The following ACOXL variants were observed in gnomAD, a reference collection of about 807,000 sequenced individuals.
ACOXL encodes the protein acyl-coenzyme A oxidase-like protein.
Under a neutral mutation model 71.9 loss-of-function variants are expected in ACOXL, and 70 were observed. The observed-to-expected ratio is 0.97, with a 90% CI of 0.80 to 1.19. ACOXL has a LOEUF of 1.19. Among genes scored for constraint, ACOXL ranks in the 50% most tolerant of loss-of-function variants. ACOXL has a pLI of 0.00. For missense variants in ACOXL, 703 were observed against 736.3 expected (o/e 0.95, Z 0.52); for synonymous variants, 253 against 281.6 (o/e 0.90, Z 1.02).
Position 111,047,684 on chromosome 2 carries a change from C to T in ACOXL, c.1370-1534C>T, listed in dbSNP as rs58724286. On this transcript the variant is annotated intron_variant, in intron 15 of 17. Transcript: ENST00000439055. The stretch of plus-strand genomic sequence containing the variant: ...CAGCTTGGGCCCTTATCTCAATGTA[C>T]AAGTTTCTGCTGAGCCACTTTTATA... Among the ~76,000 whole-genome samples, 651 of 152,306 alleles carry T rather than the reference C, an allele frequency of 4.3e-3. 4 individuals are homozygous for T. Among genetic ancestry groups the T allele is most frequent in the African/African-American group, 0.015 (625 of 41,556 alleles).
intron 14 of ACOXL, among the ~76,000 whole-genome samples, chr2:111,005,747 T>C (rs2063841539): frequency 6.6e-6 from 1 of 152,112 alleles, no homozygotes; most frequent in Non-Finnish European, 1.5e-5. Context: ...ACATATCAAG[T>C]GCCTTGGAAG....
In ACOXL at chr2:110,987,116, G is replaced by C. The variant is rs370207913; in HGVS notation, c.1068G>C (p.Gly356=). The part of the protein sequence containing the change: ...CRECTGGMVV[G]RELLAQYTKQ... ...ATAAACTCTTTGCACAGGTTGTGGG[G>C]CGGGAACTGCTGGCCCAATACACCA... Residue 356 remains glycine (G), a synonymous_variant, in exon 13 of 18, where the codon GGG becomes GGC. Transcript: ENST00000439055. 6.4e-7 allele frequency: 1 copy of C among 1,567,372 alleles called. No individual in the cohort carries two copies. The highest frequency in any genetic ancestry group is 2.3e-5 in the East Asian group (1 of 43,036).
chr2:111,064,635 G>A (rs150292965), intron 16 of ACOXL, among the ~76,000 whole-genome samples: 2 of 152,016 alleles, frequency 1.3e-5, no homozygotes, highest in Admixed American at 6.6e-5. Context: ...CCATCCTTTC[G>A]TTTCCCAAAT....
At chr2:111,004,304 A>G (rs2063773419) in intron 14 of ACOXL, among the ~76,000 whole-genome samples, 1 of 40,496 alleles carries the variant, frequency 2.5e-5, no homozygotes, top group Non-Finnish European at 4.6e-5. Flanking sequence ...TTTACTTTAG[A>G]GATGCTTGGC....
chr2:110,935,289 C>T (rs1392346938), intron 12 of ACOXL, among the ~76,000 whole-genome samples: 1 of 152,160 alleles, frequency 6.6e-6, no homozygotes, highest in African/African-American at 2.4e-5. Flanking sequence ...TTCCCTTTCT[C>T]GCAGTTCACA....
At chr2:110,887,766 T>A (rs1460846456) in intron 10 of ACOXL, 2 of 152,254 alleles carry the variant, frequency 1.3e-5, no homozygotes, top group Non-Finnish European at 2.9e-5. Context: ...TCCCCATTAT[T>A]GACTGTTACC....
At chr2:110,959,590 A>G (rs2149442041) in intron 12 of ACOXL, among the ~76,000 whole-genome samples, 1 of 152,148 alleles carries the variant, frequency 6.6e-6, no homozygotes, top group Admixed American at 6.5e-5. Flanking sequence ...TTTGTGAGGC[A>G]TGGCCATCTC....
At chr2:111,063,304 TCAGA>T (rs765226281) in intron 16 of ACOXL, among the ~76,000 whole-genome samples, 2 of 152,022 alleles carry the variant, frequency 1.3e-5, no homozygotes, top group East Asian at 3.9e-4. Flanking sequence ...GATACCAAAA[TCAGA>T]CAAAGACAGA....
chr2:110,769,940 C>T (rs1478686070), intron 2 of ACOXL, among the ~76,000 whole-genome samples: 1 of 151,914 alleles, frequency 6.6e-6, no homozygotes, highest in Non-Finnish European at 1.5e-5. Flanking sequence ...ACTTGGGACG[C>T]TGAGGTGGGA....
At chr2:111,019,082 T>G (rs1553458392) in intron 14 of ACOXL, among the ~76,000 whole-genome samples, 1 of 152,200 alleles carries the variant, frequency 6.6e-6, no homozygotes, top group Non-Finnish European at 1.5e-5. Flanking sequence ...CTTTAAGCAG[T>G]CACTAAGGGC....
intron 1 of ACOXL, among the ~76,000 whole-genome samples, chr2:110,743,299 T>C (rs1677773346): frequency 6.6e-6 from 1 of 152,216 alleles, no homozygotes; most frequent in Admixed American, 6.5e-5. Flanking sequence ...ATCAGGCAGA[T>C]AATTTCCTAT....
At chr2:111,077,077 G>T (rs1021372311) in intron 16 of ACOXL, among the ~76,000 whole-genome samples, 1 of 152,098 alleles carries the variant, frequency 6.6e-6, no homozygotes, top group Non-Finnish European at 1.5e-5. Flanking sequence ...AGTAATATTT[G>T]CAGATTTCAG....
chr2:110,997,655 A>G (rs1382790616), intron 14 of ACOXL, among the ~76,000 whole-genome samples: 1 of 152,222 alleles, frequency 6.6e-6, no homozygotes, highest in Non-Finnish European at 1.5e-5. Flanking sequence ...AATTTACTCC[A>G]TAGGACACAA....
At chr2:110,788,659 A>G (rs1684277801) in intron 3 of ACOXL, among the ~76,000 whole-genome samples, 1 of 152,260 alleles carries the variant, frequency 6.6e-6, no homozygotes, top group Non-Finnish European at 1.5e-5. Flanking sequence ...TTTACCAGAA[A>G]TAAAAATGAC....
intron 9 of ACOXL, among the ~76,000 whole-genome samples, chr2:110,838,984 G>T (rs1360358174): frequency 1.3e-5 from 2 of 152,182 alleles, no homozygotes; most frequent in African/African-American, 2.4e-5. Context: ...CCTTAACAAG[G>T]TGTCCTTTTA....
chr2:110,754,232 C>T (rs1188551696), intron 1 of ACOXL, among the ~76,000 whole-genome samples: 1 of 151,898 alleles, frequency 6.6e-6, no homozygotes, highest in East Asian at 1.9e-4. Flanking sequence ...ACTACCATAC[C>T]TGGGCCATTT....
chr2:110,951,957 C>T (rs1461180423), intron 12 of ACOXL, among the ~76,000 whole-genome samples: 1 of 152,118 alleles, frequency 6.6e-6, no homozygotes, highest in Admixed American at 6.6e-5. Context: ...TAGGGGTGTC[C>T]TTAACCTAGT....
In ACOXL at chr2:111,117,696, C is replaced by G; in HGVS notation, c.1623C>G (p.His541Gln). The change falls in exon 18 of 18, where the codon CAC (histidine) becomes CAG (glutamine). Residue 541 changes from histidine to glutamine, a missense_variant. Coordinates refer to ENST00000439055, the MANE Select transcript of ACOXL (RefSeq NM_001142807.4). ...STFNIPHTYL[H>Q]APIAGISNPR... The stretch of plus-strand genomic sequence containing the variant: ...TTAACATTCCACACACCTACCTCCA[C>G]GCACCAATCGCCGGAATCTCCAACC... 6.4e-7 allele frequency: 1 copy of G among 1,551,778 alleles called. No individual in the cohort carries two copies. Among genetic ancestry groups the G allele is most frequent in the Non-Finnish European group, 8.7e-7 (1 of 1,147,016 alleles).
intron 1 of ACOXL, among the ~76,000 whole-genome samples, chr2:110,762,484 T>A (rs1453574780): frequency 6.6e-6 from 1 of 152,208 alleles, no homozygotes; most frequent in Non-Finnish European, 1.5e-5. Context: ...GTATTTATTG[T>A]GTTTTAGGGT....
Sources: allele counts gnomAD v4.1 joint callset (sites outside exome capture counted in the v4.1 genomes callset), GRCh38; gene constraint gnomAD v4.1.1; transcripts MANE v1.5; gene names NCBI Gene and HGNC (gene_info 2026-07-23, HGNC 2026-07-21).